RAB36: variants seen among roughly 807,000 people sequenced by gnomAD.
RAB36 encodes the protein ras-related protein Rab-36.
In RAB36, 33 loss-of-function variants were observed where a neutral mutation model predicts 39.3. The observed-to-expected ratio is 0.84, with a 90% CI of 0.64 to 1.12. The LOEUF (loss-of-function observed/expected upper bound fraction) is 1.12. Among genes scored for constraint, RAB36 ranks in the 50% most tolerant of loss-of-function variants. RAB36 has a pLI of 0.00. For synonymous variants in RAB36, 133 were observed against 140.2 expected (o/e 0.95, Z 0.36); for missense variants, 308 against 355.3 (o/e 0.87, Z 1.07).
intron 3 of RAB36, among the ~76,000 whole-genome samples, chr22:23,150,424 C>T (rs1182254801): frequency 6.6e-6 from 1 of 151,826 alleles, no homozygotes; most frequent in Non-Finnish European, 1.5e-5. Flanking sequence ...GCCTCAGCCT[C>T]CCGAGTAGCG....
Position 23,164,807 on chromosome 22 carries a change from G to A in RAB36, c.*3243G>A, listed in dbSNP as rs2072001032. Among the ~76,000 whole-genome samples, 1 of 152,124 alleles carries A rather than the reference G, an allele frequency of 6.6e-6. No homozygotes were observed. Among genetic ancestry groups the A allele is most frequent in the Admixed American group, 6.5e-5 (1 of 15,272 alleles). Reference sequence around the variant, plus strand: ...TCTCTTCTGCTGGAGACACGTACCTGAAGCAGGTCCTCTCCTGTCACTTCC... The same window carrying A: ...TCTCTTCTGCTGGAGACACGTACCTAAAGCAGGTCCTCTCCTGTCACTTCC... On this transcript the variant is annotated 3_prime_UTR_variant, in exon 11 of 11. Coordinates refer to ENST00000263116, the MANE Select transcript of RAB36 (RefSeq NM_004914.5).
chr22:23,145,662 T>C, intron 1 of RAB36, 111 bp downstream of exon 1: 1 of 1,268,226 alleles, frequency 7.9e-7, no homozygotes, highest in Non-Finnish European at 1.1e-6. Flanking sequence ...TTCCCGCCCC[T>C]ATAACTTGAA....
intron 7 of RAB36, 113 bp downstream of exon 7, chr22:23,158,156 GGGCCC>G: frequency 6.5e-7 from 1 of 1,533,816 alleles, no homozygotes; most frequent in South Asian, 1.3e-5. Flanking sequence ...TGAGTGACCA[GGGCCC>G]CTTGTCAGAA....
At position 23,152,464 on chromosome 22, in the gene RAB36, C is replaced by T. The variant is rs148855753; in HGVS notation, c.165C>T (p.Leu55=). 308 of 1,614,182 alleles carry T rather than the reference C, an allele frequency of 1.9e-4. No individual in the cohort carries two copies. Among genetic ancestry groups the T allele is most frequent in the Admixed American group, 3.3e-4 (20 of 60,028 alleles). The change falls in exon 4 of 11, where the codon CTC becomes CTT. Residue 55 remains leucine (L), a synonymous_variant. Coordinates refer to ENST00000263116, the MANE Select transcript of RAB36 (RefSeq NM_004914.5). ...AACACGGCCATATTTCTCACAGGCT[C>T]AAACTCTCCAAGGTGGTGGTGGTTG... ...CQRRNTGTVG[L]KLSKVVVVGD... is the part of the protein sequence containing the mutation.
At chr22:23,150,292 T>C (rs1395181627) in intron 3 of RAB36, 138 bp downstream of exon 3, 22 of 676,222 alleles carry the variant, frequency 3.3e-5, no homozygotes, top group Non-Finnish European at 4.7e-5. Context: ...ACTGGGGTTT[T>C]CTTTTTTTTT....
chr22:23,160,933 C>T lies in RAB36; in HGVS notation c.674C>T (p.Ser225Leu), dbSNP rs945464178. Reference protein sequence around the residue: ...SRVAALAFEQSVLQDLERQSS... With the variant: ...SRVAALAFEQLVLQDLERQSS... ...GTAGCCGCCCTGGCATTCGAGCAGT[C>T]GGTGCTGCAGGACCTGGAGAGGCAG... Residue 225 changes from serine (S) to leucine (L), a missense_variant, in exon 10 of 11, where the codon TCG becomes TTG. Ser to Leu is a moderately radical substitution (Grantham distance 145). Coordinates refer to ENST00000263116, the MANE Select transcript of RAB36 (RefSeq NM_004914.5). 8.7e-6 allele frequency: 14 copies of T among 1,613,858 alleles called. No individual in the cohort carries two copies. Among genetic ancestry groups the T allele is most frequent in the Admixed American group, 1.7e-5 (1 of 60,008 alleles).
rs761763363 is a variant in RAB36, at chr22:23,152,444, G to A, written c.162-17G>A. 2.4e-5 allele frequency: 38 copies of A among 1,614,068 alleles called. No homozygotes were observed. Among genetic ancestry groups the A allele is most frequent in the Middle Eastern group, 3.3e-4 (2 of 6,062 alleles). ...TGGAAGGCATGCCCGACGGCAACAC[G>A]GCCATATTTCTCACAGGCTCAAACT... On this transcript the variant is annotated splice_polypyrimidine_tract_variant and intron_variant, in intron 3 of 10. Transcript: ENST00000263116.
chr22:23,160,730 T>C, intron 9 of RAB36, 149 bp from the exon 10 acceptor site: 1 of 1,092,398 alleles, frequency 9.2e-7, no homozygotes, highest in Non-Finnish European at 1.3e-6. Flanking sequence ...GGTGGGGCTG[T>C]GCCCTCCTGG....
chr22:23,156,206 C>T lies in RAB36; in HGVS notation c.394+174C>T. 1 of 584,490 alleles carries T rather than the reference C, an allele frequency of 1.7e-6. No homozygotes were observed. The highest frequency in any genetic ancestry group is 2.0e-5 in the South Asian group (1 of 49,452). The allele number at this position is 584,490 out of a possible 1,614,324, so 36.2% of individuals were successfully genotyped here. ...CAGGGAAGCTGCCTTCATCCCCAGG[C>T]ACTGGCTGACTTTGGCGATCACACC... On this transcript the variant is annotated intron_variant, in intron 6 of 10. Transcript: ENST00000263116.
chr22:23,145,558 C>T lies in RAB36; in HGVS notation c.-13+7C>T, dbSNP rs1185839542. 2.5e-6 allele frequency: 4 copies of T among 1,598,044 alleles called. No homozygotes were observed. Among genetic ancestry groups the T allele is most frequent in the Non-Finnish European group, 3.4e-6 (4 of 1,178,092 alleles). On this transcript the variant is annotated splice_region_variant and intron_variant, in intron 1 of 10. Coordinates refer to ENST00000263116, the MANE Select transcript of RAB36 (RefSeq NM_004914.5). ...GCTTTCACAGCCATCGCTGGTGAGT[C>T]AGCTCGCCCACTCTGTCCGACCCTC...
chr22:23,167,511 G>C (rs924086230), downstream of RAB36, among the ~76,000 whole-genome samples: 1 of 152,074 alleles, frequency 6.6e-6, no homozygotes, highest in Non-Finnish European at 1.5e-5. Context: ...AGGCCAGCAG[G>C]ATCCATTCGA....
Position 23,150,130 on chromosome 22 carries a change from A to C in RAB36, c.137A>C (p.Gln46Pro). The change falls in exon 3 of 11, where the codon CAA becomes CCA. Residue 46 changes from glutamine (Q) to proline (P), a missense_variant. Gln to Pro is a moderately conservative substitution (Grantham distance 76). Transcript: ENST00000263116. ...HFHGQVSAACQRRNTGTVGLK... is the reference protein window; with the variant it reads ...HFHGQVSAACPRRNTGTVGLK... ...CACGGGCAGGTCAGCGCTGCCTGCC[A>C]ACGCAGGAACACGGGGACTGTCGGG... The C allele has an allele frequency of 6.2e-7, 1 of 1,612,616 alleles. No individual in the cohort carries two copies. The highest frequency in any genetic ancestry group is 1.3e-5 in the African/African-American group (1 of 75,046).
intron 9 of RAB36, among the ~76,000 whole-genome samples, chr22:23,160,271 C>T (rs1557619): frequency 0.8 from 121,055 of 152,138 alleles, 48,443 homozygotes; most frequent in East Asian, 0.99. Context: ...CCCTTCCTCC[C>T]TTATCAGAGT....
In RAB36 at chr22:23,156,074, C is replaced by T. The variant is rs777069857; in HGVS notation, c.394+42C>T. ...GTCGGGGCTCAACTGCATGCAGCAG[C>T]GGGGTCCCTGCCGGGCTCCACAGTG... On this transcript the variant is annotated intron_variant, in intron 6 of 10. Coordinates refer to ENST00000263116, the MANE Select transcript of RAB36 (RefSeq NM_004914.5). The T allele has an allele frequency of 6.7e-5, 105 of 1,558,820 alleles. 2 individuals are homozygous for T. The South Asian group carries it at 7.4e-4, about 11-fold the overall frequency.
chr22:23,159,103 C>T, intron 8 of RAB36, 60 bp from the exon 9 acceptor site: 5 of 1,594,228 alleles, frequency 3.1e-6, no homozygotes, highest in Middle Eastern at 1.7e-4. Context: ...GCTGCCTATC[C>T]CCCTGGGCCT....
rs1193376842 is a variant in RAB36, at chr22:23,165,514, G to A, written c.*3950G>A. On this transcript the variant is annotated 3_prime_UTR_variant, in exon 11 of 11. Coordinates refer to ENST00000263116, the MANE Select transcript of RAB36 (RefSeq NM_004914.5). ...TCAGGGCAGAACTGAACAGGTCTCG[G>A]GAAGGACACTTCATGCCAGCTAGAG... is the stretch of plus-strand genomic sequence containing the variant. Among the ~76,000 whole-genome samples the A allele has an allele frequency of 6.6e-6, 1 of 152,202 alleles. No homozygotes were observed. The highest frequency in any genetic ancestry group is 1.5e-5 in the Non-Finnish European group (1 of 68,036).
chr22:23,156,167 CCACTGCT>C (rs774026657), intron 6 of RAB36, 135 bp downstream of exon 6: 24 of 747,960 alleles, frequency 3.2e-5, no homozygotes, highest in Non-Finnish European at 4.9e-5. Context: ...AAACACCAGG[CCACTGCT>C]TGGGAACAGG....
intron 1 of RAB36, 90 bp downstream of exon 1, chr22:23,145,641 T>C: frequency 8.7e-6 from 12 of 1,385,732 alleles, no homozygotes; most frequent in Non-Finnish European, 1.2e-5. Context: ...GGGCACAGCG[T>C]CCGCGCCCAC....
At chr22:23,152,117 C>A (rs1378588704) in intron 3 of RAB36, among the ~76,000 whole-genome samples, 4 of 152,228 alleles carry the variant, frequency 2.6e-5, no homozygotes, top group Admixed American at 2.6e-4. Flanking sequence ...ACAGACGTGC[C>A]CACGGCTGTT....
Sources: allele counts gnomAD v4.1 joint callset (sites outside exome capture counted in the v4.1 genomes callset), GRCh38; gene constraint gnomAD v4.1.1; transcripts MANE v1.5; gene names NCBI Gene and HGNC (gene_info 2026-07-23, HGNC 2026-07-21).